The following SLC44A1 variants were observed in gnomAD, a reference collection of about 807,000 sequenced individuals.
SLC44A1 encodes the protein solute carrier family 44 member 1, also known as choline transporter-like protein 1.
SLC44A1 carries 26 observed loss-of-function variants against 79.3 expected under a neutral mutation model. That is an observed-to-expected ratio of 0.33 (90% CI 0.24 to 0.46). SLC44A1 has a LOEUF of 0.46. SLC44A1 is among the 20% of genes least tolerant of loss of function. SLC44A1 has a pLI of 1.00. For missense variants in SLC44A1, 688 were observed against 798.1 expected (o/e 0.86, Z 1.66); for synonymous variants, 263 against 286.2 (o/e 0.92, Z 0.82).
At chr9:105,336,886 G>A (rs2131362058) in intron 4 of SLC44A1, among the ~76,000 whole-genome samples, 1 of 152,260 alleles carries the variant, frequency 6.6e-6, no homozygotes, top group East Asian at 1.9e-4. Flanking sequence ...TGTAATGAGG[G>A]TAAAGGGTAA....
At chr9:105,424,352 CAGG>C (rs1200698262) in intron 15 of SLC44A1, among the ~76,000 whole-genome samples, 3 of 152,210 alleles carry the variant, frequency 2.0e-5, no homozygotes, top group African/African-American at 7.2e-5. Flanking sequence ...GTGATTGTAG[CAGG>C]AGATGTGGCT....
chr9:105,264,072 TC>T (rs1829904302), intron 1 of SLC44A1, among the ~76,000 whole-genome samples: 1 of 152,294 alleles, frequency 6.6e-6, no homozygotes. Flanking sequence ...TCCAACACCA[TC>T]CTTTGCCCTA....
At chr9:105,399,869 GA>G (rs778617089), downstream of SLC44A1, among the ~76,000 whole-genome samples, 5 of 152,172 alleles carry the variant, frequency 3.3e-5, no homozygotes, top group Non-Finnish European at 7.4e-5. Context: ...CTGGTTAATT[GA>G]AAAACTGGGT....
rs1435803382 is a variant in SLC44A1 at position 105,395,208 on chromosome 9, G to GT, written c.*6160dup. ...CCCACACTCCTAGAAAAGTTTGGGG[G>GT]TTTTTTTTGTTTGTTTTTGGTGTTT... On this transcript the variant is annotated 3_prime_UTR_variant, in exon 16 of 16. Transcript: ENST00000374720. 93 of 975,254 alleles carry GT rather than the reference G, an allele frequency of 9.5e-5. No homozygotes were observed. The South Asian group carries it at 2.4e-3, about 25-fold the overall frequency. The allele number at this position is 975,254 out of a possible 1,614,324, so 60.4% of individuals were successfully genotyped here.
intron 1 of SLC44A1, among the ~76,000 whole-genome samples, chr9:105,253,711 G>A (rs1291084574): frequency 2.6e-5 from 4 of 152,160 alleles, no homozygotes; most frequent in African/African-American, 7.2e-5. Flanking sequence ...CGGCCTGGGT[G>A]GCAGAGCCAG....
chr9:105,425,753 G>A (rs1829314358), intron 15 of SLC44A1, among the ~76,000 whole-genome samples: 2 of 152,276 alleles, frequency 1.3e-5, no homozygotes, highest in South Asian at 4.1e-4. Flanking sequence ...AACCTGGGTG[G>A]CAGAGGTTGC....
chr9:105,284,399 A>G (rs1458944417), intron 1 of SLC44A1, among the ~76,000 whole-genome samples: 1 of 151,960 alleles, frequency 6.6e-6, no homozygotes, highest in Non-Finnish European at 1.5e-5. Context: ...CTGTGTTTAT[A>G]CTGCAGTCTG....
chr9:105,417,339 C>A (rs935635906), intron 15 of SLC44A1, among the ~76,000 whole-genome samples: 2 of 152,154 alleles, frequency 1.3e-5, no homozygotes, highest in African/African-American at 2.4e-5. Context: ...ACTTTGTGGT[C>A]GTACACATGA....
intron 14 of SLC44A1, 62 bp downstream of exon 14, chr9:105,383,421 A>T: frequency 1.1e-6 from 1 of 941,152 alleles, no homozygotes; most frequent in Non-Finnish European, 1.7e-6. Flanking sequence ...AATATTTTGT[A>T]AAACATTCTC....
chr9:105,307,607 G>T (rs1831066989), intron 2 of SLC44A1, among the ~76,000 whole-genome samples: 3 of 150,260 alleles, frequency 2.0e-5, no homozygotes, highest in Admixed American at 2.0e-4. Context: ...TCGTGCCACT[G>T]TGTTCCAGCC....
At chr9:105,304,897 A>G (rs1830976323) in intron 2 of SLC44A1, among the ~76,000 whole-genome samples, 1 of 120,940 alleles carries the variant, frequency 8.3e-6, no homozygotes, top group African/African-American at 3.2e-5. Flanking sequence ...GCATTTGTAT[A>G]TGCTCAATAA....
intron 1 of SLC44A1, among the ~76,000 whole-genome samples, chr9:105,284,475 A>G (rs1172524979): frequency 6.6e-6 from 1 of 151,934 alleles, no homozygotes; most frequent in African/African-American, 2.4e-5. Flanking sequence ...GATCTATTTT[A>G]TGTTATATTT....
chr9:105,335,389 C>G (rs1462888933), intron 3 of SLC44A1, among the ~76,000 whole-genome samples, 174 bp from the exon 4 acceptor site: 2 of 152,148 alleles, frequency 1.3e-5, no homozygotes, highest in Non-Finnish European at 2.9e-5. Context: ...TACAATTCCC[C>G]TATTCCCACT....
chr9:105,315,573 G>A (rs899120212), intron 3 of SLC44A1, among the ~76,000 whole-genome samples: 1 of 152,118 alleles, frequency 6.6e-6, no homozygotes, highest in African/African-American at 2.4e-5. Flanking sequence ...TATGAAAACT[G>A]TGCTCACACT....
At chr9:105,260,336 T>G (rs1291458660) in intron 1 of SLC44A1, among the ~76,000 whole-genome samples, 1 of 152,202 alleles carries the variant, frequency 6.6e-6, no homozygotes, top group Non-Finnish European at 1.5e-5. Flanking sequence ...CTTTAAAATT[T>G]TTTTCACTAT....
chr9:105,409,506 A>G (rs1829069854), intron 15 of SLC44A1, among the ~76,000 whole-genome samples: 1 of 152,168 alleles, frequency 6.6e-6, no homozygotes. Context: ...GCAACAAAAC[A>G]AGACCCTGTC....
At chr9:105,289,430 C>T (rs145807343) in intron 1 of SLC44A1, among the ~76,000 whole-genome samples, 4 of 152,308 alleles carry the variant, frequency 2.6e-5, no homozygotes, top group African/African-American at 4.8e-5. Flanking sequence ...AAAATAGACA[C>T]ATTACACTTA....
intron 1 of SLC44A1, among the ~76,000 whole-genome samples, chr9:105,284,744 T>C (rs1830436065): frequency 6.6e-6 from 1 of 152,208 alleles, no homozygotes; most frequent in Non-Finnish European, 1.5e-5. Flanking sequence ...AAGTGGCCAA[T>C]GTGGACCCTT....
At chr9:105,293,830 A>G (rs910935723) in intron 1 of SLC44A1, among the ~76,000 whole-genome samples, 1 of 152,224 alleles carries the variant, frequency 6.6e-6, no homozygotes, top group African/African-American at 2.4e-5. Context: ...CACCCTTACT[A>G]TAGCATATCA....
Sources: gnomAD v4.1 joint callset for allele counts (sites outside exome capture counted in the v4.1 genomes callset) on GRCh38, gnomAD v4.1.1 for gene constraint, MANE v1.5 for transcripts, NCBI Gene and HGNC (gene_info 2026-07-23, HGNC 2026-07-21) for gene names.